Variants in WDR1 observed in about 807,000 individuals in gnomAD.
The protein encoded by WDR1 is WD repeat-containing protein 1.
A neutral mutation model predicts 71.9 loss-of-function variants in WDR1; 21 were observed. The observed-to-expected ratio is 0.29, with a 90% CI of 0.21 to 0.42. The LOEUF (loss-of-function observed/expected upper bound fraction) is 0.42. WDR1 is among the 10% of genes least tolerant of loss of function. The pLI is 1.00. For synonymous variants in WDR1, 424 were observed against 347.4 expected (o/e 1.22, Z -2.45); for missense variants, 696 against 824.5 (o/e 0.84, Z 1.91).
chr4:10,101,708 C>T (rs1318754412), intron 3 of WDR1, among the ~76,000 whole-genome samples: 1 of 152,080 alleles, frequency 6.6e-6, no homozygotes, highest in African/African-American at 2.4e-5. Context: ...GGACTGGGGA[C>T]AGGGCAGGCC....
chr4:10,085,203 A>C (rs1765165704), intron 8 of WDR1, among the ~76,000 whole-genome samples: 1 of 152,126 alleles, frequency 6.6e-6, no homozygotes, highest in Admixed American at 6.5e-5. Flanking sequence ...CAGGCTCCTC[A>C]TGCCTTTCTC....
intron 11 of WDR1, among the ~76,000 whole-genome samples, chr4:10,080,612 A>G (rs558625980): frequency 5.2e-5 from 8 of 152,382 alleles, no homozygotes; most frequent in African/African-American, 1.7e-4. Flanking sequence ...ACTCGTGCCA[A>G]CAGGTGCCCC....
chr4:10,077,370 C>G lies in WDR1; in HGVS notation c.1648G>C (p.Gly550Arg). The G allele has an allele frequency of 6.2e-7, 1 of 1,614,008 alleles. No individual in the cohort carries two copies. The highest frequency in any genetic ancestry group is 8.5e-7 in the Non-Finnish European group (1 of 1,179,878). Residue 550 changes from glycine to arginine, a missense_variant, in exon 14 of 15, where the codon GGT becomes CGT. By Grantham distance (125) the Gly-to-Arg change is moderately radical. Transcript: ENST00000499869. Reference sequence around the variant, plus strand: ...ACATACACCATCATGTCCATGCCACCGGAGGCAAAGTGTTCATTGTCTGGG... The same window carrying G: ...ACATACACCATCATGTCCATGCCACGGGAGGCAAAGTGTTCATTGTCTGGG... Reference protein sequence around the residue: ...WSPDNEHFASGGMDMMVYVWT... With the variant: ...WSPDNEHFASRGMDMMVYVWT...
At chr4:10,101,131 G>T (rs182809349) in intron 3 of WDR1, among the ~76,000 whole-genome samples, 8 of 152,392 alleles carry the variant, frequency 5.2e-5, no homozygotes, top group African/African-American at 1.7e-4. Flanking sequence ...AAGGCAGACA[G>T]AACAGTATCA....
At chr4:10,094,389 C>T (rs753682889) in intron 5 of WDR1, among the ~76,000 whole-genome samples, 19 of 152,166 alleles carry the variant, frequency 1.2e-4, no homozygotes, top group African/African-American at 1.7e-4. Context: ...CCAAGTAATG[C>T]GCATGGCGAA....
At chr4:10,092,512 T>TA in intron 5 of WDR1, 2 of 155,168 alleles carry the variant, frequency 1.3e-5, no homozygotes, top group Admixed American at 1.3e-4. Context: ...CAGGGTGGTG[T>TA]CATGTGTCCC....
intron 5 of WDR1, chr4:10,092,590 T>C (rs1170246686): frequency 4.7e-6 from 1 of 214,060 alleles, no homozygotes; most frequent in Non-Finnish European, 9.5e-6. Context: ...CAGATGCCCC[T>C]CGAGTAGCTC....
intron 8 of WDR1, among the ~76,000 whole-genome samples, chr4:10,086,619 G>A (rs1215914967): frequency 6.6e-6 from 1 of 152,238 alleles, no homozygotes; most frequent in African/African-American, 2.4e-5. Context: ...CTCCAGGCTG[G>A]CCCACACTAG....
Position 10,107,595 on chromosome 4 carries a change from G to A in WDR1, c.139-3609C>T, listed in dbSNP as rs562670881. Among the ~76,000 whole-genome samples, 305 of 152,286 alleles carry A rather than the reference G, an allele frequency of 2.0e-3. 1 individual carries two copies. Among genetic ancestry groups the A allele is most frequent in the Non-Finnish European group, 3.6e-3 (246 of 68,010 alleles). On this transcript the variant is annotated intron_variant, in intron 2 of 14. Transcript: ENST00000499869. The stretch of plus-strand genomic sequence containing the variant: ...ACCCCAACCCTTGAGGATAGAACAG[G>A]TGCAGCCCCTCTACCTTGCTGGCCC...
At chr4:10,111,725 C>T (rs141527595) in intron 2 of WDR1, among the ~76,000 whole-genome samples, 1 of 152,254 alleles carries the variant, frequency 6.6e-6, no homozygotes, top group Non-Finnish European at 1.5e-5. Context: ...GCAGGAAACA[C>T]AGGTGAGTCC....
intron 14 of WDR1, 120 bp from the exon 15 acceptor site, chr4:10,075,604 C>A (rs1008512525): frequency 3.3e-6 from 3 of 901,724 alleles, no homozygotes; most frequent in Non-Finnish European, 5.2e-6. Context: ...AAAATGGCCA[C>A]GAATCGTTGT....
In WDR1 at chr4:10,078,958, T is replaced by G; in HGVS notation, c.1328A>C (p.Asn443Thr). 6.2e-7 allele frequency: 1 copy of G among 1,611,004 alleles called. No individual in the cohort carries two copies. Among genetic ancestry groups the G allele is most frequent in the Non-Finnish European group, 8.5e-7 (1 of 1,178,470 alleles). The change falls in exon 12 of 15, where the codon AAC (asparagine) becomes ACC (threonine). Residue 443 changes from asparagine (N) to threonine (T), a missense_variant. Physicochemically the swap from Asn to Thr is moderately conservative, Grantham distance 65. Coordinates refer to ENST00000499869, the MANE Select transcript of WDR1 (RefSeq NM_017491.5). Reference protein sequence around the residue: ...KDQRKCFSIDNPGYEPEVVAV... With the variant: ...KDQRKCFSIDTPGYEPEVVAV... The stretch of plus-strand genomic sequence containing the variant: ...CACAACTTCGGGCTCGTAGCCGGGG[T>G]TGTCGATGCTGAAGCACTTCCTCTG...
At chr4:10,084,864 C>G (rs1398090832) in intron 8 of WDR1, among the ~76,000 whole-genome samples, 2 of 152,244 alleles carry the variant, frequency 1.3e-5, no homozygotes, top group Admixed American at 6.5e-5. Context: ...AGACACGTGG[C>G]CTGCACCCCG....
intron 3 of WDR1, among the ~76,000 whole-genome samples, chr4:10,101,532 T>G (rs772250002): frequency 6.6e-6 from 1 of 152,264 alleles, no homozygotes; most frequent in Non-Finnish European, 1.5e-5. Context: ...CCAAGAACAC[T>G]TGGACCTGAG....
chr4:10,099,381 C>T (rs1438871061), intron 3 of WDR1, among the ~76,000 whole-genome samples: 1 of 152,270 alleles, frequency 6.6e-6, no homozygotes, highest in African/African-American at 2.4e-5. Flanking sequence ...TGGGCCTCTG[C>T]ATTTTGCCAG....
At chr4:10,094,085 G>A (rs931239158) in intron 5 of WDR1, among the ~76,000 whole-genome samples, 1 of 152,218 alleles carries the variant, frequency 6.6e-6, no homozygotes, top group Admixed American at 6.5e-5. Context: ...CCCAGTGAGG[G>A]AAGCCAGAAG....
chr4:10,099,218 G>C (rs903606290), intron 3 of WDR1, 79 bp from the exon 4 acceptor site: 2 of 1,284,170 alleles, frequency 1.6e-6, no homozygotes, highest in East Asian at 2.5e-5. Flanking sequence ...GGTCACTGCC[G>C]GGCCAGGGCC....
At chr4:10,099,744 T>C (rs1039553876) in intron 3 of WDR1, among the ~76,000 whole-genome samples, 3 of 152,262 alleles carry the variant, frequency 2.0e-5, no homozygotes, top group Admixed American at 6.5e-5. Flanking sequence ...AGCGTGCTGC[T>C]GCCTGGCAAA....
chr4:10,091,205 G>C lies in WDR1; in HGVS notation c.559-2464C>G, dbSNP rs557670902. 6.1e-4 allele frequency among the ~76,000 whole-genome samples: 93 copies of C among 152,386 alleles called. 1 individual carries two copies. Among genetic ancestry groups the C allele is most frequent in the Non-Finnish European group, 1.0e-3 (70 of 68,034 alleles). On this transcript the variant is annotated intron_variant, in intron 5 of 14. Coordinates refer to ENST00000499869, the MANE Select transcript of WDR1 (RefSeq NM_017491.5). ...ATGGTGCTAGAGGTCACCCTTCCTT[G>C]TGTTTAAGCGCAGTTCTGCATCTTG...
Sources: allele counts gnomAD v4.1 joint callset (sites outside exome capture counted in the v4.1 genomes callset), GRCh38; gene constraint gnomAD v4.1.1; transcripts MANE v1.5; gene names NCBI Gene and HGNC (gene_info 2026-07-23, HGNC 2026-07-21).